Variants in BAIAP2 observed in about 807,000 individuals in gnomAD.
BAIAP2 encodes BAR/IMD domain-containing adapter protein 2.
In BAIAP2, 18 loss-of-function variants were observed where a neutral mutation model predicts 63.0. The ratio of observed to expected loss-of-function variants is 0.29; its 90% CI spans 0.20 to 0.42. The LOEUF (loss-of-function observed/expected upper bound fraction) is 0.42. Among genes scored for constraint, BAIAP2 ranks in the 10% least tolerant of loss-of-function variants. BAIAP2 has a pLI of 1.00. For synonymous variants in BAIAP2, 386 were observed against 307.6 expected (o/e 1.25, Z -2.67); for missense variants, 610 against 734.3 (o/e 0.83, Z 1.96).
intron 1 of BAIAP2, among the ~76,000 whole-genome samples, chr17:81,039,005 C>T (rs920539195): frequency 1.2e-4 from 18 of 152,186 alleles, no homozygotes; most frequent in African/African-American, 4.1e-4. Flanking sequence ...TGCACACGTG[C>T]ATGCAGTGCT....
chr17:81,047,374 A>C (rs2047965105), intron 1 of BAIAP2, among the ~76,000 whole-genome samples: 1 of 152,088 alleles, frequency 6.6e-6, no homozygotes, highest in Non-Finnish European at 1.5e-5. Context: ...GATTAGGGTG[A>C]TGAGGGTCTA....
intron 6 of BAIAP2, among the ~76,000 whole-genome samples, chr17:81,095,008 C>T (rs1257340061): frequency 6.6e-6 from 1 of 152,264 alleles, no homozygotes; most frequent in Non-Finnish European, 1.5e-5. Flanking sequence ...TCACCGCATG[C>T]TGCGGAGAGG....
At position 81,116,267 on chromosome 17, in the gene BAIAP2, C is replaced by G; in HGVS notation, c.*428C>G. On this transcript the variant is annotated 3_prime_UTR_variant, in exon 14 of 14. Transcript: ENST00000428708. ...CGCCCAAGGGCCAGAAGGCCGGGAG[C>G]ACGGGGATGGGAGCGCCCGCACCCT... is the stretch of plus-strand genomic sequence containing the variant. 6.2e-7 allele frequency: 1 copy of G among 1,612,886 alleles called. No individual in the cohort carries two copies. Among genetic ancestry groups the G allele is most frequent in the Non-Finnish European group, 8.5e-7 (1 of 1,179,962 alleles).
At chr17:81,036,866 G>A (rs933566471) in intron 1 of BAIAP2, 8 of 1,535,680 alleles carry the variant, frequency 5.2e-6, no homozygotes, top group African/African-American at 4.1e-5. Context: ...ATTGCAGAGG[G>A]TGGAAGAGAA....
At chr17:81,093,198 C>T (rs1363141527) in intron 6 of BAIAP2, among the ~76,000 whole-genome samples, 2 of 151,824 alleles carry the variant, frequency 1.3e-5, no homozygotes, top group African/African-American at 4.8e-5. Flanking sequence ...CCTTCCTAAC[C>T]CATGTGCACT....
chr17:81,085,497 A>G (rs1420983556), intron 4 of BAIAP2, 157 bp from the exon 5 acceptor site: 1 of 709,430 alleles, frequency 1.4e-6, no homozygotes, highest in Non-Finnish European at 2.6e-6. Context: ...GCACACGGGC[A>G]TGCGGGGCCA....
chr17:81,048,132 C>T (rs933561313), intron 1 of BAIAP2, among the ~76,000 whole-genome samples: 10 of 152,206 alleles, frequency 6.6e-5, no homozygotes, highest in African/African-American at 1.7e-4. Context: ...CGCCTGTAAT[C>T]CCAGCACTTT....
chr17:81,059,131 C>A lies in BAIAP2; in HGVS notation c.217+1164C>A, dbSNP rs897501014. On this transcript the variant is annotated intron_variant, in intron 3 of 13. Coordinates refer to ENST00000428708, the MANE Select transcript of BAIAP2 (RefSeq NM_001144888.2). ...TGCGGACCCTCATCGGAGCCCCCCC[C>A]CCACGCCCCCACAGGCTGCTGCCTT... Among the ~76,000 whole-genome samples, 50 of 152,318 alleles carry A rather than the reference C, an allele frequency of 3.3e-4. No homozygotes were observed. The East Asian group carries it at 4.4e-3, about 14-fold the overall frequency.
rs994241351 is a variant in BAIAP2, at chr17:81,116,502, C to T, written c.*663C>T. On this transcript the variant is annotated 3_prime_UTR_variant, in exon 14 of 14. Coordinates refer to ENST00000428708, the MANE Select transcript of BAIAP2 (RefSeq NM_001144888.2). ...CCTTACCCAACCTCCCATCCAGAAC[C>T]TTGCTGCCAGGGCCTCCCAGCTCGC... The T allele has an allele frequency of 4.2e-6, 3 of 710,524 alleles. No individual in the cohort carries two copies. Among genetic ancestry groups the T allele is most frequent in the Non-Finnish European group, 6.8e-6 (3 of 441,824 alleles). The allele number at this position is 710,524 out of a possible 1,614,324, so 44.0% of individuals were successfully genotyped here.
intron 1 of BAIAP2, among the ~76,000 whole-genome samples, chr17:81,047,660 T>C (rs1482386200): frequency 7.1e-6 from 1 of 141,676 alleles, no homozygotes; most frequent in Admixed American, 7.0e-5. Flanking sequence ...CTCATGCTCA[T>C]AGCACACACA....
At chr17:81,066,808 A>G (rs945697159) in intron 3 of BAIAP2, among the ~76,000 whole-genome samples, 7 of 152,130 alleles carry the variant, frequency 4.6e-5, no homozygotes, top group African/African-American at 1.7e-4. Flanking sequence ...CTCCATGCAC[A>G]GTGCACCCAG....
At chr17:81,103,416 T>TGCTC in intron 7 of BAIAP2, 86 bp from the exon 8 acceptor site, 1 of 1,239,162 alleles carries the variant, frequency 8.1e-7, no homozygotes, top group Non-Finnish European at 1.1e-6. Flanking sequence ...CCCCAGAGAG[T>TGCTC]GCTCAGGGAG....
chr17:81,053,758 G>C lies in BAIAP2; in HGVS notation c.130+15G>C, dbSNP rs371088726. 1.8e-5 allele frequency: 29 copies of C among 1,613,474 alleles called. No individual in the cohort carries two copies. Among genetic ancestry groups the C allele is most frequent in the African/African-American group, 2.7e-5 (2 of 75,018 alleles). ...GGCACTGGCAGGTGGAACTGCGCCCGGGCCCCGTGGGGTGGGAGCTGCCTC... is the reference window on the plus strand; with the variant it reads ...GGCACTGGCAGGTGGAACTGCGCCCCGGCCCCGTGGGGTGGGAGCTGCCTC... On this transcript the variant is annotated intron_variant, in intron 2 of 13. Coordinates refer to ENST00000428708, the MANE Select transcript of BAIAP2 (RefSeq NM_001144888.2).
chr17:81,044,383 C>T (rs189396362), intron 1 of BAIAP2, among the ~76,000 whole-genome samples: 5 of 152,374 alleles, frequency 3.3e-5, no homozygotes, highest in East Asian at 1.9e-4. Context: ...AACACGGCGC[C>T]ACAGACTGGT....
chr17:81,108,370 A>G, intron 12 of BAIAP2, 105 bp from the exon 13 acceptor site: 1 of 1,318,024 alleles, frequency 7.6e-7, no homozygotes. Context: ...CACGGTTTGA[A>G]CCTTGTCCAG....
rs190800445 is a variant in BAIAP2, at chr17:81,057,983, C to A, written c.217+16C>A. 3.5e-5 allele frequency: 42 copies of A among 1,212,310 alleles called. 3 individuals are homozygous for A. Among genetic ancestry groups the A allele is most frequent in the Middle Eastern group, 2.4e-4 (1 of 4,224 alleles). The allele number at this position is 1,212,310 out of a possible 1,614,324, so 75.1% of individuals were successfully genotyped here. On this transcript the variant is annotated intron_variant, in intron 3 of 13. Transcript: ENST00000428708. Reference sequence around the variant, plus strand: ...AAAGAACTCGGTGAGACCCCCCCCCCCCCCCCGCCTGGTAGTCGCCTGATG... The same window carrying A: ...AAAGAACTCGGTGAGACCCCCCCCCACCCCCCGCCTGGTAGTCGCCTGATG...
At chr17:81,057,707 C>T in intron 2 of BAIAP2, 174 bp from the exon 3 acceptor site, 1 of 1,385,958 alleles carries the variant, frequency 7.2e-7, no homozygotes, top group Non-Finnish European at 9.3e-7. Context: ...ACAAGAATAT[C>T]AACAAGAGAT....
chr17:81,036,323 C>G (rs2046261315), intron 1 of BAIAP2, among the ~76,000 whole-genome samples: 1 of 152,226 alleles, frequency 6.6e-6, no homozygotes. Flanking sequence ...GGTTCAGTGA[C>G]AGGCTGGGCG....
chr17:81,108,754 A>C, intron 13 of BAIAP2: 1 of 908,980 alleles, frequency 1.1e-6, no homozygotes, highest in Non-Finnish European at 1.6e-6. Flanking sequence ...CCTGTCAGGC[A>C]AGGTTGGGGA....
Sources: allele counts gnomAD v4.1 joint callset (sites outside exome capture counted in the v4.1 genomes callset), GRCh38; gene constraint gnomAD v4.1.1; transcripts MANE v1.5; gene names NCBI Gene and HGNC (gene_info 2026-07-23, HGNC 2026-07-21).